GLI2: variants seen among roughly 807,000 people sequenced by gnomAD.
The protein encoded by GLI2 is GLI family zinc finger 2.
Under a neutral mutation model 78.9 loss-of-function variants are expected in GLI2, and 22 were observed. The observed-to-expected ratio is 0.28, with a 90% CI of 0.20 to 0.40. The LOEUF (loss-of-function observed/expected upper bound fraction) is 0.40. GLI2 is among the 10% of genes least tolerant of loss of function. GLI2 has a pLI of 1.00. For missense variants in GLI2, 2,097 were observed against 2,213.2 expected (o/e 0.95, Z 1.05); for synonymous variants, 974 against 963.7 (o/e 1.01, Z -0.20).
At chr2:120,812,388 G>A (rs1292740871) in intron 2 of GLI2, among the ~76,000 whole-genome samples, 4 of 152,198 alleles carry the variant, frequency 2.6e-5, no homozygotes, top group South Asian at 2.1e-4. Flanking sequence ...GAGCTGTGGC[G>A]GTTCCCGTGC....
In GLI2 at chr2:120,913,774, C is replaced by T. The variant is rs149874250; in HGVS notation, c.149-13587C>T. On this transcript the variant is annotated intron_variant, in intron 2 of 13. Coordinates refer to ENST00000361492, the MANE Select transcript of GLI2 (RefSeq NM_001374353.1). The stretch of plus-strand genomic sequence containing the variant: ...TGTCCAGGTGGCTGATTCCGCTGCC[C>T]GGTTTTAAAGGTCATTGATTGTCTG... 2.7e-4 allele frequency among the ~76,000 whole-genome samples: 41 copies of T among 152,302 alleles called. No individual in the cohort carries two copies. The South Asian group carries it at 3.9e-3, about 15-fold the overall frequency.
intron 1 of GLI2, among the ~76,000 whole-genome samples, chr2:120,792,684 G>A (rs540418151): frequency 2.0e-5 from 3 of 152,112 alleles, no homozygotes; most frequent in African/African-American, 4.8e-5. Flanking sequence ...GTGCAGTGGC[G>A]CGGTCTTGCC....
chr2:120,920,871 T>C (rs1454648550), intron 2 of GLI2, among the ~76,000 whole-genome samples: 1 of 144,884 alleles, frequency 6.9e-6, no homozygotes, highest in Non-Finnish European at 1.5e-5. Context: ...CGGAAGGACA[T>C]GATTAATTTT....
chr2:120,946,043 C>G (rs1382252638), intron 3 of GLI2, among the ~76,000 whole-genome samples: 1 of 151,508 alleles, frequency 6.6e-6, no homozygotes, highest in Non-Finnish European at 1.5e-5. Flanking sequence ...GTTGGTAATG[C>G]ACTACCTCGT....
chr2:120,828,344 C>G (rs1162028075), intron 2 of GLI2, among the ~76,000 whole-genome samples: 1 of 152,218 alleles, frequency 6.6e-6, no homozygotes, highest in Non-Finnish European at 1.5e-5. Context: ...CCCGGAGACT[C>G]CGAGGACATT....
intron 1 of GLI2, among the ~76,000 whole-genome samples, chr2:120,772,052 C>T (rs2104658546): frequency 6.6e-6 from 1 of 152,294 alleles, no homozygotes; most frequent in Middle Eastern, 3.4e-3. Context: ...CTAACGCACA[C>T]AGATGGAGGG....
intron 1 of GLI2, among the ~76,000 whole-genome samples, chr2:120,739,641 G>A (rs1290623614): frequency 6.6e-6 from 1 of 152,234 alleles, no homozygotes; most frequent in Non-Finnish European, 1.5e-5. Flanking sequence ...GGTGGACCTC[G>A]CTGTGGACAG....
chr2:120,806,118 T>C (rs1299189066), intron 2 of GLI2, among the ~76,000 whole-genome samples: 3 of 152,206 alleles, frequency 2.0e-5, no homozygotes, highest in Non-Finnish European at 4.4e-5. Context: ...AGTTTAACAA[T>C]CTGGATTGCT....
At chr2:120,845,101 C>T (rs1298044700) in intron 2 of GLI2, among the ~76,000 whole-genome samples, 8 of 151,964 alleles carry the variant, frequency 5.3e-5, no homozygotes, top group Non-Finnish European at 7.4e-5. Flanking sequence ...GGTAAAACCT[C>T]GTCTCTACTA....
In GLI2 at chr2:120,989,503, G is replaced by A. The variant is rs1221545910; in HGVS notation, c.3538G>A (p.Gly1180Ser). 1.2e-6 allele frequency: 2 copies of A among 1,612,228 alleles called. No homozygotes were observed. Among genetic ancestry groups the A allele is most frequent in the Non-Finnish European group, 1.7e-6 (2 of 1,179,712 alleles). ...SPQGLQASPG[G>S]LDSTQPHLQP... The stretch of plus-strand genomic sequence containing the variant: ...GCAAGGCCTACAGGCTAGCCCTGGG[G>A]GCCTGGACAGCACGCAGCCACACCT... The change falls in exon 14 of 14, where the codon GGC becomes AGC. Residue 1180 changes from glycine (G) to serine (S), a missense_variant. Physicochemically the swap from Gly to Ser is moderately conservative, Grantham distance 56. Transcript: ENST00000361492.
intron 2 of GLI2, among the ~76,000 whole-genome samples, chr2:120,925,030 T>G (rs1374981030): frequency 6.6e-6 from 1 of 152,172 alleles, no homozygotes; most frequent in Non-Finnish European, 1.5e-5. Context: ...AGCAGGTGAG[T>G]GAGCTCTGAC....
intron 1 of GLI2, among the ~76,000 whole-genome samples, chr2:120,779,771 G>A (rs751767801): frequency 5.3e-5 from 8 of 152,212 alleles, no homozygotes; most frequent in East Asian, 1.9e-4. Context: ...ACACTAGGGC[G>A]GCCTGACCCC....
At chr2:120,926,072 CAAAAAAA>C (rs35224973) in intron 2 of GLI2, among the ~76,000 whole-genome samples, 2 of 63,236 alleles carry the variant, frequency 3.2e-5, no homozygotes, top group African/African-American at 8.0e-5. Flanking sequence ...GACTCCGTCT[CAAAAAAA>C]AAAAAAAAAA....
intron 2 of GLI2, among the ~76,000 whole-genome samples, chr2:120,859,609 C>T (rs1450344317): frequency 6.6e-6 from 1 of 152,056 alleles, no homozygotes; most frequent in Admixed American, 6.5e-5. Context: ...AGCACACCAC[C>T]GTACCCAGCT....
At chr2:120,847,198 C>A (rs1327166350) in intron 2 of GLI2, among the ~76,000 whole-genome samples, 3 of 152,104 alleles carry the variant, frequency 2.0e-5, no homozygotes. Context: ...ACAGTGCTGA[C>A]TGCTCCATCA....
intron 6 of GLI2, 109 bp downstream of exon 6, chr2:120,969,024 A>G: frequency 1.3e-6 from 1 of 774,754 alleles, no homozygotes; most frequent in Non-Finnish European, 2.2e-6. Flanking sequence ...GAAAGACAGG[A>G]CCTGTGGCAT....
chr2:120,934,367 C>T (rs1386503598), intron 3 of GLI2, among the ~76,000 whole-genome samples: 13 of 152,210 alleles, frequency 8.5e-5, no homozygotes, highest in Admixed American at 7.9e-4. Flanking sequence ...AGTATCTCAG[C>T]CTTCCTTTCT....
At position 120,859,674 on chromosome 2, in the gene GLI2, C is replaced by T. The variant is rs1031486314; in HGVS notation, c.148+62206C>T. 7.2e-5 allele frequency among the ~76,000 whole-genome samples: 11 copies of T among 152,030 alleles called. 1 individual carries two copies. The highest frequency in any genetic ancestry group is 5.2e-4 in the Admixed American group (8 of 15,278). On this transcript the variant is annotated intron_variant, in intron 2 of 13. Coordinates refer to ENST00000361492, the MANE Select transcript of GLI2 (RefSeq NM_001374353.1). ...TTCACCATGTTGGCCACAATGGTCTCCATCTCTCGGCCTCAGGTGATCCGC... is the reference window on the plus strand; with the variant it reads ...TTCACCATGTTGGCCACAATGGTCTTCATCTCTCGGCCTCAGGTGATCCGC...
rs1677871521 is a variant in GLI2, at chr2:120,894,941, C to T, written c.149-32420C>T. Among the ~76,000 whole-genome samples the T allele has an allele frequency of 2.0e-5, 3 of 152,228 alleles. No individual in the cohort carries two copies. In the South Asian group the frequency reaches 6.2e-4, roughly 31 times the overall value. The stretch of plus-strand genomic sequence containing the variant: ...CTTGAACTCCTGACCTCGTGATCTG[C>T]CCGCCTCAGCTTCCCAAAGTTCTGG... On this transcript the variant is annotated intron_variant, in intron 2 of 13. Transcript: ENST00000361492.
Sources: allele counts gnomAD v4.1 joint callset (sites outside exome capture counted in the v4.1 genomes callset), GRCh38; gene constraint gnomAD v4.1.1; transcripts MANE v1.5; gene names NCBI Gene and HGNC (gene_info 2026-07-23, HGNC 2026-07-21).